Variants in TTLL11 observed in about 807,000 individuals in gnomAD.
TTLL11 encodes the protein tubulin tyrosine ligase like 11.
In TTLL11, 42 loss-of-function variants were observed where a neutral mutation model predicts 51.7. That is an observed-to-expected ratio of 0.81 (90% confidence interval 0.64 to 1.05). The LOEUF (loss-of-function observed/expected upper bound fraction) is 1.05, where lower values mean the gene tolerates loss of function less well. TTLL11 is among the 50% of genes least tolerant of loss of function. The pLI is 0.00. For synonymous variants in TTLL11, 381 were observed against 383.5 expected (o/e 0.99, Z 0.08); for missense variants, 799 against 940.4 (o/e 0.85, Z 1.97).
intron 4 of TTLL11, among the ~76,000 whole-genome samples, chr9:121,987,171 C>T (rs1842962406): frequency 6.6e-6 from 1 of 151,896 alleles, no homozygotes; most frequent in East Asian, 1.9e-4. Flanking sequence ...TAATGTCTAC[C>T]CCAGGGCTGG....
rs747214368 is a variant in TTLL11 at position 121,989,569 on chromosome 9, G to A, written c.895C>T (p.Arg299Cys). 1.4e-5 allele frequency: 23 copies of A among 1,613,938 alleles called. No individual in the cohort carries two copies. Among genetic ancestry groups the A allele is most frequent in the African/African-American group, 4.0e-5 (3 of 74,866 alleles). The change falls in exon 4 of 9, where the codon CGT becomes TGT. Residue 299 changes from arginine to cysteine, a missense_variant. By Grantham distance (180) the Arg-to-Cys change is radical. Around this residue, in one of 3 missense-constraint regions of TTLL11, gnomAD observed 468 missense variants for 612.8 expected, o/e 0.76. Transcript: ENST00000321582. This position sits in a 1 kb window ranked among gnomAD's most constrained non-coding sequence, Gnocchi z 4.2. ...AAGGACTTGAGTAAGACATACAGAC[G>A]AATATCAAACTTGAGCTTGTCGATA... ...LLIDKLKFDI[R>C]LYVLLKSLDP... is the part of the protein sequence containing the mutation.
intron 1 of TTLL11, among the ~76,000 whole-genome samples, chr9:122,085,458 C>G (rs78648130): frequency 6.6e-6 from 1 of 152,146 alleles, no homozygotes; most frequent in Admixed American, 6.5e-5. Flanking sequence ...CTGTCCCTTA[C>G]GCTGCAGCCA....
intron 6 of TTLL11, among the ~76,000 whole-genome samples, chr9:121,917,002 C>T (rs937786192): frequency 1.3e-5 from 2 of 152,140 alleles, no homozygotes; most frequent in African/African-American, 4.8e-5. Flanking sequence ...TCCTAAAAGC[C>T]ACATGCTTCA....
Position 121,819,247 on chromosome 9 carries a change from C to T in TTLL11, c.*3340G>A, listed in dbSNP as rs1390996834. 2.0e-5 allele frequency: 3 copies of T among 152,360 alleles called. No homozygotes were observed. The highest frequency in any genetic ancestry group is 4.4e-5 in the Non-Finnish European group (3 of 68,200). The allele number at this position is 152,360 out of a possible 1,614,324, so 9.4% of individuals were successfully genotyped here. ...TTGGCCAGGCCGTGAGGACAAAGCT[C>T]CCGCCCCTAACAACAGAAATGCTGA... On this transcript the variant is annotated 3_prime_UTR_variant, in exon 9 of 9. Transcript: ENST00000321582.
intron 6 of TTLL11, among the ~76,000 whole-genome samples, chr9:121,951,974 G>C (rs1271220934): frequency 6.6e-6 from 1 of 152,158 alleles, no homozygotes. Context: ...CAGTGAGGAC[G>C]ACCAGAGGTC....
intron 6 of TTLL11, among the ~76,000 whole-genome samples, chr9:121,952,864 C>G (rs112278357): frequency 2.0e-5 from 3 of 152,244 alleles, no homozygotes; most frequent in Admixed American, 2.0e-4. Flanking sequence ...ACAGACCTGA[C>G]GCATTCCCCA....
At chr9:121,876,474 GA>G (rs1304399999) in intron 6 of TTLL11, among the ~76,000 whole-genome samples, 3 of 152,176 alleles carry the variant, frequency 2.0e-5, no homozygotes, top group African/African-American at 7.2e-5. Flanking sequence ...CCAAGTGAGG[GA>G]AAACAAGACC....
At chr9:121,846,940 GT>G (rs1380481542) in intron 8 of TTLL11, among the ~76,000 whole-genome samples, 21 of 152,162 alleles carry the variant, frequency 1.4e-4, no homozygotes, top group Admixed American at 1.4e-3. Context: ...GCCGGGCCCG[GT>G]GGCTCACGCC....
At chr9:121,831,286 C>T (rs1836998402) in intron 8 of TTLL11, among the ~76,000 whole-genome samples, 1 of 152,238 alleles carries the variant, frequency 6.6e-6, no homozygotes, top group Admixed American at 6.5e-5. Context: ...GCCCCAGAAA[C>T]TGCATTTGTA....
At chr9:121,952,794 G>A (rs1232804502) in intron 6 of TTLL11, among the ~76,000 whole-genome samples, 2 of 152,098 alleles carry the variant, frequency 1.3e-5, no homozygotes, top group Non-Finnish European at 2.9e-5. Context: ...GGGGTTGCAG[G>A]GGGAACTGCT....
At chr9:122,052,699 G>A (rs1040540281) in intron 1 of TTLL11, among the ~76,000 whole-genome samples, 4 of 152,164 alleles carry the variant, frequency 2.6e-5, no homozygotes, top group Admixed American at 1.3e-4. Flanking sequence ...ACTAGCCTAA[G>A]TTTAAATGTG....
intron 4 of TTLL11, among the ~76,000 whole-genome samples, chr9:121,988,453 C>T (rs1446525964): frequency 6.6e-6 from 1 of 152,024 alleles, no homozygotes; most frequent in East Asian, 1.9e-4. Context: ...CCTTAAACCC[C>T]ACCCAGCAAC....
chr9:121,836,704 A>G (rs962018669), intron 8 of TTLL11, among the ~76,000 whole-genome samples: 3 of 152,202 alleles, frequency 2.0e-5, no homozygotes, highest in African/African-American at 7.2e-5. Context: ...GGCAGGGAGA[A>G]GCAGGGAGAG....
At chr9:121,929,169 C>G (rs567938729) in intron 6 of TTLL11, among the ~76,000 whole-genome samples, 1 of 152,082 alleles carries the variant, frequency 6.6e-6, no homozygotes, top group African/African-American at 2.4e-5. Context: ...TGGCCGGGCG[C>G]GGTGGCTTAT....
chr9:121,923,037 T>A (rs1046410056), intron 6 of TTLL11, among the ~76,000 whole-genome samples: 1 of 152,178 alleles, frequency 6.6e-6, no homozygotes, highest in Non-Finnish European at 1.5e-5. Context: ...CGCATGGGCA[T>A]TAAAGGTGGC....
intron 6 of TTLL11, among the ~76,000 whole-genome samples, chr9:121,950,690 A>C (rs2131600801): frequency 6.6e-6 from 1 of 152,260 alleles, no homozygotes; most frequent in South Asian, 2.1e-4. Flanking sequence ...AATCACTGCC[A>C]GGAAAAGGAG....
intron 6 of TTLL11, among the ~76,000 whole-genome samples, chr9:121,972,596 G>A (rs889261531): frequency 1.3e-5 from 2 of 152,242 alleles, no homozygotes; most frequent in South Asian, 2.1e-4. Context: ...GAACTCAGCC[G>A]GGCCGGCGCC....
intron 1 of TTLL11, among the ~76,000 whole-genome samples, chr9:122,064,464 T>G (rs12001132): frequency 2.1e-4 from 32 of 152,314 alleles, no homozygotes; most frequent in African/African-American, 5.5e-4. Context: ...AAACTAACAT[T>G]TATTAGATGT....
At chr9:121,824,718 G>C (rs181029348) in intron 8 of TTLL11, among the ~76,000 whole-genome samples, 1 of 152,100 alleles carries the variant, frequency 6.6e-6, no homozygotes, top group African/African-American at 2.4e-5. Flanking sequence ...GGGCTCTTCG[G>C]GAAAGGTGAC....
Sources: allele counts gnomAD v4.1 joint callset (sites outside exome capture counted in the v4.1 genomes callset), GRCh38; gene constraint gnomAD v4.1.1; regional missense constraint gnomAD v4.1.1; non-coding constraint Gnocchi (gnomAD v3.1); transcripts MANE v1.5; gene names NCBI Gene and HGNC (gene_info 2026-07-23, HGNC 2026-07-21).